The following MBP variants were observed in gnomAD, a reference collection of about 807,000 sequenced individuals.
MBP encodes myelin basic protein, also known as Golli-MBP.
In MBP, 16 loss-of-function variants were observed where a neutral mutation model predicts 35.8. The observed-to-expected ratio is 0.45, with a 90% confidence interval of 0.30 to 0.68. The LOEUF (loss-of-function observed/expected upper bound fraction) is 0.68. Among genes scored for constraint, MBP ranks in the 30% least tolerant of loss-of-function variants. MBP has a pLI of 0.08. For synonymous variants in MBP, 143 were observed against 159.6 expected, an observed-to-expected ratio of 0.90 and a Z score of 0.78; for missense variants, 380 against 404.7, an observed-to-expected ratio of 0.94 and a Z score of 0.52.
intron 2 of MBP, chr18:77,097,192 T>C (rs1388070224): frequency 6.6e-6 from 1 of 152,238 alleles, no homozygotes; most frequent in Non-Finnish European, 1.5e-5. Flanking sequence ...CTTTGGATAA[T>C]CGTTCAGGTA....
chr18:76,996,370 G>A (rs1333236325), intron 4 of MBP, among the ~76,000 whole-genome samples: 1 of 152,146 alleles, frequency 6.6e-6, no homozygotes, highest in African/African-American at 2.4e-5. Flanking sequence ...TGAGGGAAAA[G>A]TAATTTAAAT....
chr18:77,121,655 C>CA (rs1401259367), intron 1 of MBP, among the ~76,000 whole-genome samples: 1 of 152,226 alleles, frequency 6.6e-6, no homozygotes, highest in Admixed American at 6.5e-5. Context: ...TTAAAACTCA[C>CA]AATGCCTTTC....
chr18:77,095,097 C>G (rs1481578813), intron 2 of MBP, among the ~76,000 whole-genome samples: 2 of 152,140 alleles, frequency 1.3e-5, no homozygotes, highest in African/African-American at 4.8e-5. Flanking sequence ...CTATTGAGTT[C>G]AAGAGTTTTC....
At chr18:77,127,555 C>G (rs1056621143) in intron 1 of MBP, 1 of 152,014 alleles carries the variant, frequency 6.6e-6, no homozygotes, top group Non-Finnish European at 1.5e-5. Flanking sequence ...TTGAATTCAA[C>G]AAAATGTAAA....
rs77601179 is a variant in MBP at position 77,131,425 on chromosome 18, C to T, written c.-26+1155G>A. On this transcript the variant is annotated intron_variant, in intron 1 of 8. Coordinates refer to ENST00000355994, the MANE Select transcript of MBP (RefSeq NM_001025101.2). This position sits in a 1 kb window ranked among gnomAD's most constrained non-coding sequence, Gnocchi z 5.5. ...CCAGGCGGGGCGTTCTGTGGTCAGA[C>T]GAGGCAGAGGCCTCCCCGGAACGAA... The T allele has an allele frequency of 0.096, 14,692 of 152,308 alleles. 866 individuals carry two copies. The highest frequency in any genetic ancestry group is 0.15 in the Middle Eastern group (44 of 294). 9.4% of individuals were successfully genotyped at this position (152,308 alleles called of 1,614,324 possible).
intron 4 of MBP, among the ~76,000 whole-genome samples, chr18:77,009,194 C>G (rs1971181444): frequency 6.6e-6 from 1 of 152,196 alleles, no homozygotes; most frequent in Non-Finnish European, 1.5e-5. Flanking sequence ...CTGGGCTTGT[C>G]CCCTTCCCCT....
intron 3 of MBP, among the ~76,000 whole-genome samples, chr18:77,063,583 C>A (rs529776570): frequency 5.2e-4 from 79 of 152,346 alleles, no homozygotes; most frequent in Non-Finnish European, 8.4e-4. Context: ...GATATGCGAG[C>A]CTTGCTCCGG....
At chr18:77,118,911 AAC>A (rs1041666680) in intron 1 of MBP, among the ~76,000 whole-genome samples, 4 of 151,394 alleles carry the variant, frequency 2.6e-5, no homozygotes, top group Non-Finnish European at 5.9e-5. Flanking sequence ...ACACAGCCAC[AAC>A]ACACCACACA....
At chr18:77,057,358 C>T (rs1568316929) in intron 3 of MBP, among the ~76,000 whole-genome samples, 1 of 152,166 alleles carries the variant, frequency 6.6e-6, no homozygotes, top group Non-Finnish European at 1.5e-5. Context: ...TTCCTTCATC[C>T]CCCAACTTGT....
chr18:77,013,044 A>G, intron 4 of MBP: 1 of 985,490 alleles, frequency 1.0e-6, no homozygotes, highest in Non-Finnish European at 1.2e-6. Flanking sequence ...CCACAGAAGG[A>G]CACAGTGAGC....
At chr18:77,013,772 C>A in intron 4 of MBP, 1 of 985,472 alleles carries the variant, frequency 1.0e-6, no homozygotes, top group Non-Finnish European at 1.2e-6. Flanking sequence ...CTGGGATGTC[C>A]TGGCTGCTTT....
At chr18:77,103,121 T>C (rs927736275) in intron 2 of MBP, among the ~76,000 whole-genome samples, 2 of 152,236 alleles carry the variant, frequency 1.3e-5, no homozygotes, top group African/African-American at 4.8e-5. Context: ...GAACAGTATA[T>C]AGTCACCTAC....
In MBP at chr18:76,984,875, G is replaced by T. The variant is rs1285499899; in HGVS notation, c.770C>A (p.Pro257Gln). 6.2e-7 allele frequency: 1 copy of T among 1,613,654 alleles called. No individual in the cohort carries two copies. The highest frequency in any genetic ancestry group is 1.1e-5 in the South Asian group (1 of 91,062). The change falls in exon 8 of 9, where the codon CCA (proline) becomes CAA (glutamine). Residue 257 changes from proline (P) to glutamine (Q), a missense_variant. Pro to Gln is a moderately conservative substitution (Grantham distance 76, BLOSUM62 -1). Transcript: ENST00000355994. Reference protein sequence around the residue: ...RFSWGAEGQRPGFGYGGRASD... With the variant: ...RFSWGAEGQRQGFGYGGRASD... ...CGCTCTGCCTCCGTAGCCAAATCCTGGTCTCTGGCCTTCGGCCCCCTGCAA... is the reference window on the plus strand; with the variant it reads ...CGCTCTGCCTCCGTAGCCAAATCCTTGTCTCTGGCCTTCGGCCCCCTGCAA...
intron 7 of MBP, chr18:76,985,866 A>C: frequency 3.0e-6 from 3 of 988,910 alleles, no homozygotes; most frequent in Non-Finnish European, 3.6e-6. Flanking sequence ...CATTTATGGA[A>C]GAGCAGGCCG....
chr18:77,032,834 A>G (rs1972592096), intron 3 of MBP, among the ~76,000 whole-genome samples: 1 of 152,240 alleles, frequency 6.6e-6, no homozygotes, highest in Admixed American at 6.5e-5. Flanking sequence ...AGGGGGAGCA[A>G]AGAACTTAAA....
At chr18:77,051,653 G>C (rs183406741) in intron 3 of MBP, among the ~76,000 whole-genome samples, 1 of 152,186 alleles carries the variant, frequency 6.6e-6, no homozygotes, top group Admixed American at 6.5e-5. Context: ...TGGAAGGAGA[G>C]CTTAGGAATA....
At chr18:77,049,685 A>ATTTTTT (rs1973403637) in intron 3 of MBP, among the ~76,000 whole-genome samples, 1 of 151,522 alleles carries the variant, frequency 6.6e-6, no homozygotes, top group East Asian at 1.9e-4. Context: ...TTTTTATTTT[A>ATTTTTT]TTTTATTTTT....
At chr18:77,079,241 A>G (rs920279630) in intron 2 of MBP, among the ~76,000 whole-genome samples, 3 of 152,218 alleles carry the variant, frequency 2.0e-5, no homozygotes, top group Admixed American at 1.3e-4. Context: ...CACCTGGTAC[A>G]CTAAGGTTGG....
chr18:76,984,083 C>A (rs974736214), intron 8 of MBP: 2 of 152,142 alleles, frequency 1.3e-5, no homozygotes, highest in Non-Finnish European at 2.9e-5. Flanking sequence ...TAATGAGAGC[C>A]GCTGTCTAAG....
Sources: gnomAD v4.1 joint callset for allele counts (sites outside exome capture counted in the v4.1 genomes callset) on GRCh38, gnomAD v4.1.1 for gene constraint, Gnocchi (gnomAD v3.1) non-coding constraint, MANE v1.5 for transcripts, NCBI Gene and HGNC (gene_info 2026-07-23, HGNC 2026-07-21) for gene names.